SH3RF3: variants seen among roughly 807,000 people sequenced by gnomAD.
SH3RF3 encodes the protein SH3 domain containing ring finger 3, also known as E3 ubiquitin-protein ligase SH3RF3.
SH3RF3 carries 29 observed loss-of-function variants against 66.3 expected under a neutral mutation model. That is an observed-to-expected ratio of 0.44 (90% CI 0.33 to 0.60). SH3RF3 has a LOEUF of 0.60. Ranked by LOEUF, SH3RF3 falls within the 20% of genes least tolerant of loss-of-function variation. The pLI is 0.04. For missense variants in SH3RF3, 1,194 were observed against 1,190.9 expected, an observed-to-expected ratio of 1.00 and a Z score of -0.04; for synonymous variants, 583 against 532.0, an observed-to-expected ratio of 1.10 and a Z score of -1.32.
chr2:109,184,371 A>G (rs1471243999), intron 1 of SH3RF3, among the ~76,000 whole-genome samples: 1 of 152,234 alleles, frequency 6.6e-6, no homozygotes, highest in Non-Finnish European at 1.5e-5. Context: ...TCCTAGCAGG[A>G]TGAAATGCAG....
intron 1 of SH3RF3, 104 bp downstream of exon 1, chr2:109,130,217 T>G: frequency 9.0e-7 from 1 of 1,111,828 alleles, no homozygotes; most frequent in East Asian, 3.3e-5. Context: ...CCACGGGTGG[T>G]CCTGCGTTGG....
chr2:109,285,285 C>T (rs1011234559), intron 1 of SH3RF3, among the ~76,000 whole-genome samples: 1 of 152,238 alleles, frequency 6.6e-6, no homozygotes, highest in African/African-American at 2.4e-5. Flanking sequence ...CCTTTCCACA[C>T]CTCCTCATAA....
rs556760795 is a variant in SH3RF3 at position 109,503,006 on chromosome 2, T to C, written c.*1335T>C. 6.6e-6 allele frequency: 1 copy of C among 152,242 alleles called. No individual in the cohort carries two copies. Among genetic ancestry groups the C allele is most frequent in the African/African-American group, 2.4e-5 (1 of 41,550 alleles). The allele number at this position is 152,242 out of a possible 1,614,324, so 9.4% of individuals were successfully genotyped here. ...CTGCAGGCTTGCAAGATCGGGGAGT[T>C]GGGAGGGCGAGAGAGGAGGAGGTGC... On this transcript the variant is annotated 3_prime_UTR_variant, in exon 10 of 10. Transcript: ENST00000309415.
At chr2:109,316,354 C>T (rs1441619429) in intron 1 of SH3RF3, among the ~76,000 whole-genome samples, 1 of 152,196 alleles carries the variant, frequency 6.6e-6, no homozygotes, top group South Asian at 2.1e-4. Context: ...GCTGGCTCTA[C>T]ATGCCCCTGC....
Position 109,449,230 on chromosome 2 carries a change from C to A in SH3RF3, c.1889C>A (p.Thr630Asn). The A allele has an allele frequency of 6.2e-7, 1 of 1,613,512 alleles. No individual in the cohort carries two copies. Reference sequence around the variant, plus strand: ...ACTGCCACCGTGTCACCCCTGCGCACCCAGAACTCTCCATCCCGCCTGCCT... The same window carrying A: ...ACTGCCACCGTGTCACCCCTGCGCAACCAGAACTCTCCATCCCGCCTGCCT... Reference protein sequence around the residue: ...RPTATVSPLRTQNSPSRLPAT... With the variant: ...RPTATVSPLRNQNSPSRLPAT... Residue 630 changes from threonine (T) to asparagine (N), a missense_variant, in exon 8 of 10, where the codon ACC (threonine) becomes AAC (asparagine). Coordinates refer to ENST00000309415, the MANE Select transcript of SH3RF3 (RefSeq NM_001099289.3).
intron 1 of SH3RF3, among the ~76,000 whole-genome samples, chr2:109,190,558 TG>T (rs1291224845): frequency 2.6e-5 from 4 of 152,234 alleles, no homozygotes; most frequent in African/African-American, 9.6e-5. Flanking sequence ...GTATAACACC[TG>T]AGTGAACAGA....
chr2:109,165,134 G>C (rs945324860), intron 1 of SH3RF3, among the ~76,000 whole-genome samples: 2 of 152,110 alleles, frequency 1.3e-5, no homozygotes, highest in African/African-American at 4.8e-5. Flanking sequence ...CTTTAGTAAG[G>C]ACAAATGAAC....
chr2:109,375,416 G>A (rs151135891), intron 3 of SH3RF3, among the ~76,000 whole-genome samples: 1 of 152,268 alleles, frequency 6.6e-6, no homozygotes, highest in East Asian at 1.9e-4. Flanking sequence ...AGCCTAGGCT[G>A]ACCCTGCCCC....
chr2:109,266,886 C>A (rs1680509463), intron 1 of SH3RF3, among the ~76,000 whole-genome samples: 2 of 152,210 alleles, frequency 1.3e-5, no homozygotes, highest in African/African-American at 4.8e-5. Flanking sequence ...CCGCCTCCCA[C>A]TAAGGACAAG....
chr2:109,332,346 G>A (rs917285806), intron 1 of SH3RF3, among the ~76,000 whole-genome samples: 2 of 152,232 alleles, frequency 1.3e-5, no homozygotes, highest in African/African-American at 2.4e-5. Flanking sequence ...GCGCCCAGGG[G>A]TGCTGCACTT....
intron 1 of SH3RF3, among the ~76,000 whole-genome samples, chr2:109,220,052 T>C (rs1679195624): frequency 6.6e-6 from 1 of 152,220 alleles, no homozygotes; most frequent in Non-Finnish European, 1.5e-5. Context: ...TAATCAAAAC[T>C]ATGTTATTAG....
chr2:109,144,377 C>CA lies in SH3RF3; in HGVS notation c.573+14265dup, dbSNP rs1160916032. ...GATAATGAAAAGTACTTTTAAAAAA[C>CA]ACACAAAGCTGCCTCAAGTCATAGA... On this transcript the variant is annotated intron_variant, in intron 1 of 9. Coordinates refer to ENST00000309415, the MANE Select transcript of SH3RF3 (RefSeq NM_001099289.3). Among the ~76,000 whole-genome samples, 155 of 152,200 alleles carry CA rather than the reference C, an allele frequency of 1.0e-3. 1 individual carries two copies. The highest frequency in any genetic ancestry group is 3.5e-3 in the African/African-American group (146 of 41,534).
chr2:109,202,883 T>A (rs754309837), intron 1 of SH3RF3, among the ~76,000 whole-genome samples: 1 of 152,250 alleles, frequency 6.6e-6, no homozygotes, highest in Non-Finnish European at 1.5e-5. Flanking sequence ...CTTGGCTGAT[T>A]AGCACAGTTT....
chr2:109,303,520 A>T (rs1465581277), intron 1 of SH3RF3, among the ~76,000 whole-genome samples: 1 of 152,140 alleles, frequency 6.6e-6, no homozygotes, highest in Non-Finnish European at 1.5e-5. Flanking sequence ...CAGTAAGGTG[A>T]CCCTGCAATG....
intron 1 of SH3RF3, among the ~76,000 whole-genome samples, chr2:109,312,992 C>CAT (rs1681768524): frequency 1.3e-5 from 2 of 151,904 alleles, no homozygotes; most frequent in Admixed American, 1.3e-4. Context: ...TACAGTAATG[C>CAT]GGAAGAAGGG....
chr2:109,318,648 G>C (rs1172567041), intron 1 of SH3RF3, among the ~76,000 whole-genome samples: 3 of 152,194 alleles, frequency 2.0e-5, no homozygotes, highest in Non-Finnish European at 4.4e-5. Context: ...CTTGTCAGCT[G>C]TGAGATCAGA....
intron 3 of SH3RF3, among the ~76,000 whole-genome samples, chr2:109,386,756 C>T (rs1166910603): frequency 6.6e-6 from 1 of 152,204 alleles, no homozygotes; most frequent in Non-Finnish European, 1.5e-5. Flanking sequence ...CAAAACTGCC[C>T]AAGGAAGAGG....
chr2:109,199,582 T>TCAACA (rs1558953881), intron 1 of SH3RF3, among the ~76,000 whole-genome samples: 1 of 474 alleles, frequency 2.1e-3, no homozygotes, highest in African/African-American at 6.4e-3. Flanking sequence ...TGGAATGGAA[T>TCAACA]GGAATGGAAT....
At chr2:109,269,352 G>A (rs1158131322) in intron 1 of SH3RF3, among the ~76,000 whole-genome samples, 5 of 152,216 alleles carry the variant, frequency 3.3e-5, no homozygotes, top group African/African-American at 1.2e-4. Context: ...AACAGAGGGA[G>A]CCTCCCCACA....
Sources: gnomAD v4.1 joint callset for allele counts (sites outside exome capture counted in the v4.1 genomes callset) on GRCh38, gnomAD v4.1.1 for gene constraint, MANE v1.5 for transcripts, NCBI Gene and HGNC (gene_info 2026-07-23, HGNC 2026-07-21) for gene names.